CCSER1: variants seen among roughly 807,000 people sequenced by gnomAD.
The protein encoded by CCSER1 is coiled-coil serine rich protein 1, also known as serine-rich coiled-coil domain-containing protein 1.
CCSER1 carries 41 observed loss-of-function variants against 82.0 expected under a neutral mutation model. The observed-to-expected ratio is 0.50, with a 90% confidence interval of 0.39 to 0.65. The LOEUF (loss-of-function observed/expected upper bound fraction) is 0.65. CCSER1 is among the 30% of genes least tolerant of loss of function. The pLI is 0.00. For synonymous variants in CCSER1, 414 were observed against 383.9 expected (o/e 1.08, Z -0.92); for missense variants, 1,119 against 1,064.2 (o/e 1.05, Z -0.72).
At chr4:91,282,979 A>G (rs992676561) in intron 10 of CCSER1, among the ~76,000 whole-genome samples, 1 of 152,070 alleles carries the variant, frequency 6.6e-6, no homozygotes, top group Non-Finnish European at 1.5e-5. Flanking sequence ...TTTACAGAGT[A>G]AATGTTCAAT....
intron 10 of CCSER1, among the ~76,000 whole-genome samples, chr4:91,280,431 T>C (rs1742827273): frequency 6.6e-6 from 1 of 152,122 alleles, no homozygotes; most frequent in Admixed American, 6.6e-5. Context: ...TGCTCTCAAG[T>C]GGCACATACA....
chr4:91,576,165 T>C (rs903641666), intron 10 of CCSER1, among the ~76,000 whole-genome samples: 2 of 151,982 alleles, frequency 1.3e-5, no homozygotes. Flanking sequence ...ATCATCTATC[T>C]ATCTGTCAAT....
chr4:90,896,305 A>G (rs1723707224), intron 8 of CCSER1, among the ~76,000 whole-genome samples: 2 of 151,956 alleles, frequency 1.3e-5, no homozygotes, highest in Non-Finnish European at 2.9e-5. Context: ...AAACTGACAT[A>G]TGGGATGGGC....
chr4:91,262,951 A>G (rs1481591331), intron 10 of CCSER1, among the ~76,000 whole-genome samples: 1 of 151,962 alleles, frequency 6.6e-6, no homozygotes, highest in Non-Finnish European at 1.5e-5. Context: ...TTGCTCTGGT[A>G]ATTAACACTT....
chr4:91,073,904 G>A (rs547622403), intron 9 of CCSER1, among the ~76,000 whole-genome samples: 1 of 151,628 alleles, frequency 6.6e-6, no homozygotes, highest in Non-Finnish European at 1.5e-5. Context: ...TCCTCCTCCC[G>A]ATAATCATCA....
chr4:91,464,060 A>G (rs999815519), intron 10 of CCSER1, among the ~76,000 whole-genome samples: 2 of 152,214 alleles, frequency 1.3e-5, no homozygotes, highest in African/African-American at 4.8e-5. Flanking sequence ...TGTCAGATTT[A>G]CTGAAGTTGA....
At chr4:91,042,889 A>G (rs1371749901) in intron 9 of CCSER1, among the ~76,000 whole-genome samples, 1 of 152,198 alleles carries the variant, frequency 6.6e-6, no homozygotes, top group Non-Finnish European at 1.5e-5. Flanking sequence ...GCATTCCGGT[A>G]TTTTAGGGAT....
At chr4:91,006,771 G>T (rs954453963) in intron 9 of CCSER1, among the ~76,000 whole-genome samples, 1 of 151,968 alleles carries the variant, frequency 6.6e-6, no homozygotes, top group South Asian at 2.1e-4. Context: ...GATTACAGGC[G>T]GCCTTTTATT....
intron 5 of CCSER1, among the ~76,000 whole-genome samples, chr4:90,589,953 T>A (rs1400117151): frequency 1.3e-5 from 2 of 152,206 alleles, no homozygotes; most frequent in East Asian, 3.8e-4. Flanking sequence ...GTATGGTGTC[T>A]GTAATCTCAT....
intron 10 of CCSER1, among the ~76,000 whole-genome samples, chr4:91,215,244 T>C (rs920391710): frequency 2.0e-5 from 3 of 152,138 alleles, no homozygotes; most frequent in African/African-American, 7.2e-5. Flanking sequence ...GAAATAATGA[T>C]AGCTGATAAA....
chr4:91,030,227 G>A (rs1581378995), intron 9 of CCSER1, among the ~76,000 whole-genome samples: 1 of 151,848 alleles, frequency 6.6e-6, no homozygotes, highest in African/African-American at 2.4e-5. Flanking sequence ...CAATATAATA[G>A]GGAAAACCAA....
At chr4:90,524,736 G>A (rs1385022509) in intron 5 of CCSER1, among the ~76,000 whole-genome samples, 4 of 152,012 alleles carry the variant, frequency 2.6e-5, no homozygotes, top group Non-Finnish European at 5.9e-5. Flanking sequence ...CAAAGTGCTG[G>A]GATTACAGAC....
At chr4:90,344,374 C>T (rs1379647012) in intron 3 of CCSER1, among the ~76,000 whole-genome samples, 1 of 152,132 alleles carries the variant, frequency 6.6e-6, no homozygotes, top group Non-Finnish European at 1.5e-5. Context: ...CTGTGTTCTG[C>T]ACGTGTTCTT....
chr4:90,301,104 G>C (rs182576916), intron 1 of CCSER1, among the ~76,000 whole-genome samples: 89 of 152,196 alleles, frequency 5.8e-4, no homozygotes, highest in African/African-American at 2.0e-3. Context: ...GAAATGTTGG[G>C]ATTGACAGGC....
At chr4:91,061,915 A>G (rs1743989359) in intron 9 of CCSER1, among the ~76,000 whole-genome samples, 2 of 152,158 alleles carry the variant, frequency 1.3e-5, no homozygotes, top group South Asian at 4.1e-4. Flanking sequence ...TTCATATGGA[A>G]GTTGGTATTT....
chr4:91,198,552 A>C (rs1299623713), intron 10 of CCSER1, among the ~76,000 whole-genome samples: 4 of 152,142 alleles, frequency 2.6e-5, no homozygotes, highest in Non-Finnish European at 4.4e-5. Flanking sequence ...ATTTCTTAGA[A>C]ACTTAGGAAA....
intron 9 of CCSER1, among the ~76,000 whole-genome samples, chr4:91,053,136 C>T (rs997922311): frequency 5.3e-5 from 8 of 152,050 alleles, no homozygotes; most frequent in Admixed American, 2.6e-4. Flanking sequence ...GAAAAATGTC[C>T]TTGAAAAAAC....
chr4:91,167,220 G>A (rs373486062), intron 10 of CCSER1, among the ~76,000 whole-genome samples: 24 of 120,522 alleles, frequency 2.0e-4, no homozygotes, highest in Non-Finnish European at 2.7e-4. Context: ...GGCTTCTCAC[G>A]CTGTCACACA....
chr4:91,180,159 C>T (rs1422506238), intron 10 of CCSER1, among the ~76,000 whole-genome samples: 1 of 152,160 alleles, frequency 6.6e-6, no homozygotes, highest in Non-Finnish European at 1.5e-5. Flanking sequence ...CTGCCTCATC[C>T]TTCCTCTGAA....
Sources: gnomAD v4.1 joint callset for allele counts (sites outside exome capture counted in the v4.1 genomes callset) on GRCh38, gnomAD v4.1.1 for gene constraint, MANE v1.5 for transcripts, NCBI Gene and HGNC (gene_info 2026-07-23, HGNC 2026-07-21) for gene names.